UNC13C: variants seen among roughly 807,000 people sequenced by gnomAD.
The protein encoded by UNC13C is protein unc-13 homolog C.
Under a neutral mutation model 245.4 loss-of-function variants are expected in UNC13C, and 174 were observed. That is an observed-to-expected ratio of 0.71 (90% CI 0.63 to 0.80). The LOEUF is 0.80. Ranked by LOEUF, UNC13C falls within the 30% of genes least tolerant of loss-of-function variation. The probability of loss-of-function intolerance (pLI) is 0.00; values close to 1 mark genes in which losing one functional copy is unlikely to be tolerated. For synonymous variants in UNC13C, 992 were observed against 895.1 expected, an observed-to-expected ratio of 1.11 and a Z score of -1.93; for missense variants, 2,829 against 2,602.9, an observed-to-expected ratio of 1.09 and a Z score of -1.89.
intron 30 of UNC13C, chr15:54,609,375 A>T (rs903166404): frequency 3.3e-5 from 5 of 152,138 alleles, no homozygotes; most frequent in Admixed American, 1.3e-4. Flanking sequence ...AAATTCAGCA[A>T]TTTGTTCATG....
chr15:54,152,003 A>G (rs566356070), intron 4 of UNC13C, among the ~76,000 whole-genome samples: 129 of 152,304 alleles, frequency 8.5e-4, no homozygotes, highest in African/African-American at 3.0e-3. Flanking sequence ...AAAGAACCCC[A>G]AATCACGCAC....
At chr15:53,923,383 G>T in the UNC13C span, among the ~76,000 whole-genome samples, 1 of 152,176 alleles carries the variant, frequency 6.6e-6, no homozygotes, top group Non-Finnish European at 1.5e-5. Context: ...AAGTCTCTGT[G>T]TATCTGTCAG....
rs28363684 is a variant in UNC13C, at chr15:54,219,012, G to C, written c.3072-16018G>C. Among the ~76,000 whole-genome samples the C allele has an allele frequency of 4.6e-3, 703 of 152,026 alleles. 3 individuals carry two copies. The highest frequency in any genetic ancestry group is 0.016 in the African/African-American group (683 of 41,456). ...TAGGAAGAATCAATATCGTGAAAAT[G>C]GCCATACTGCCCAAGGTAATTTATA... On this transcript the variant is annotated intron_variant, in intron 4 of 32. Transcript: ENST00000260323.
intron 18 of UNC13C, among the ~76,000 whole-genome samples, chr15:54,396,623 T>G (rs934538281): frequency 1.3e-5 from 2 of 151,594 alleles, no homozygotes; most frequent in Non-Finnish European, 3.0e-5. Flanking sequence ...AGTTACGTGG[T>G]AAGTATGTAC....
At chr15:54,034,231 A>G (rs1208552407) in intron 2 of UNC13C, among the ~76,000 whole-genome samples, 1 of 152,206 alleles carries the variant, frequency 6.6e-6, no homozygotes, top group African/African-American at 2.4e-5. Flanking sequence ...CCTCAGCTCT[A>G]GCTGTAAGTG....
intron 2 of UNC13C, among the ~76,000 whole-genome samples, chr15:54,017,483 CATGT>C (rs1189848493): frequency 7.8e-6 from 1 of 128,092 alleles, no homozygotes; most frequent in African/African-American, 3.1e-5. Flanking sequence ...AGTGCATGAG[CATGT>C]GTGTGTGTGT....
rs111617082 is a variant in UNC13C at position 54,226,622 on chromosome 15, C to G, written c.3072-8408C>G. On this transcript the variant is annotated intron_variant, in intron 4 of 32. Transcript: ENST00000260323. ...AGATCCTACACCAGCCAAGGACAAG[C>G]CAGGTGCAGAGTGGCAAGGGGTGTG... Among the ~76,000 whole-genome samples, 46 of 152,298 alleles carry G rather than the reference C, an allele frequency of 3.0e-4. 4 individuals carry two copies. Among genetic ancestry groups the G allele is most frequent in the Middle Eastern group, 3.4e-3 (1 of 294 alleles).
chr15:53,935,917 C>G, the UNC13C span, among the ~76,000 whole-genome samples: 1 of 152,152 alleles, frequency 6.6e-6, no homozygotes, highest in Admixed American at 6.5e-5. Context: ...CCAGCACGCA[C>G]AGAAACCTAG....
intron 20 of UNC13C, among the ~76,000 whole-genome samples, chr15:54,495,467 G>A (rs1016788137): frequency 1.3e-5 from 2 of 151,894 alleles, no homozygotes; most frequent in Admixed American, 6.6e-5. Context: ...CCTCTATTTG[G>A]GGAACTCCAC....
chr15:54,483,642 C>T lies in UNC13C; in HGVS notation c.4934-10966C>T, dbSNP rs568524394. 4.6e-5 allele frequency among the ~76,000 whole-genome samples: 7 copies of T among 152,200 alleles called. No homozygotes were observed. In the East Asian group the frequency reaches 5.8e-4, roughly 13 times the overall value. ...TCCCAAGTAGCTGGGATTACAGGTG[C>T]GTGCCACCATGCCCAGCTAATTTTT... On this transcript the variant is annotated intron_variant, in intron 19 of 32. Coordinates refer to ENST00000260323, the MANE Select transcript of UNC13C (RefSeq NM_001080534.3).
chr15:53,961,452 CATT>C, the UNC13C span, among the ~76,000 whole-genome samples: 814 of 152,348 alleles, frequency 5.3e-3, 3 homozygotes, highest in Non-Finnish European at 8.3e-3. Context: ...TACACACTGT[CATT>C]ATGATTCTTT....
chr15:54,605,385 G>T (rs142571674), intron 30 of UNC13C, among the ~76,000 whole-genome samples: 3 of 152,246 alleles, frequency 2.0e-5, no homozygotes, highest in African/African-American at 4.8e-5. Flanking sequence ...TCCTATCATA[G>T]CACAGATGCC....
At chr15:54,035,318 C>A (rs141516277) in intron 2 of UNC13C, among the ~76,000 whole-genome samples, 1 of 152,220 alleles carries the variant, frequency 6.6e-6, no homozygotes, top group East Asian at 1.9e-4. Flanking sequence ...TACATATACA[C>A]ACTGTATCTA....
chr15:54,630,775 A>C (rs1181499545), downstream of UNC13C: 1 of 152,188 alleles, frequency 6.6e-6, no homozygotes, highest in African/African-American at 2.4e-5. Flanking sequence ...TAGAATAAAA[A>C]ACTAGGATAT....
chr15:54,336,655 G>A (rs913507895), intron 16 of UNC13C, among the ~76,000 whole-genome samples: 2 of 151,836 alleles, frequency 1.3e-5, no homozygotes, highest in African/African-American at 4.8e-5. Context: ...TTTGATATAA[G>A]GTGTAAAGTG....
chr15:54,345,729 G>C (rs770911210), intron 17 of UNC13C, among the ~76,000 whole-genome samples: 1 of 151,992 alleles, frequency 6.6e-6, no homozygotes, highest in Non-Finnish European at 1.5e-5. Context: ...CCATGTTTAC[G>C]TGACTATCCT....
intron 2 of UNC13C, among the ~76,000 whole-genome samples, chr15:54,065,210 C>T (rs1898020893): frequency 1.3e-5 from 2 of 152,134 alleles, no homozygotes. Flanking sequence ...CAGGGGCCCA[C>T]CTCTCTGTTG....
chr15:54,396,806 G>C (rs1386361178), intron 18 of UNC13C, among the ~76,000 whole-genome samples: 1 of 150,684 alleles, frequency 6.6e-6, no homozygotes, highest in Admixed American at 6.6e-5. Context: ...CTGAATATTT[G>C]AAATTCATAT....
intron 2 of UNC13C, among the ~76,000 whole-genome samples, chr15:54,034,402 C>G (rs1264369476): frequency 2.6e-5 from 4 of 152,066 alleles, no homozygotes; most frequent in Non-Finnish European, 5.9e-5. Context: ...TGTTCCCTTA[C>G]CTTATCTTAC....
Sources: allele counts gnomAD v4.1 joint callset (sites outside exome capture counted in the v4.1 genomes callset), GRCh38; gene constraint gnomAD v4.1.1; transcripts MANE v1.5; gene names NCBI Gene and HGNC (gene_info 2026-07-23, HGNC 2026-07-21).